RBM46: variants seen among roughly 807,000 people sequenced by gnomAD.
The protein encoded by RBM46 is probable RNA-binding protein 46.
Under a neutral mutation model 43.3 loss-of-function variants are expected in RBM46, and 12 were observed. That is an observed-to-expected ratio of 0.28 (90% confidence interval 0.18 to 0.45). The LOEUF (loss-of-function observed/expected upper bound fraction) is 0.45, where lower values mean the gene tolerates loss of function less well. RBM46 is among the 20% of genes least tolerant of loss of function. The probability of loss-of-function intolerance (pLI) is 1.00; values close to 1 mark genes in which losing one functional copy is unlikely to be tolerated. For missense variants in RBM46, 412 were observed against 639.1 expected (o/e 0.64, Z 3.83); for synonymous variants, 205 against 207.6 (o/e 0.99, Z 0.11).
intron 1 of RBM46, among the ~76,000 whole-genome samples, chr4:154,793,261 C>G (rs1014843838): frequency 5.3e-5 from 8 of 152,254 alleles, no homozygotes; most frequent in Non-Finnish European, 7.4e-5. Flanking sequence ...ATGCAGTCCT[C>G]TACTGAAGAG....
chr4:154,819,757 A>G (rs2111205955), intron 4 of RBM46, among the ~76,000 whole-genome samples: 1 of 152,278 alleles, frequency 6.6e-6, no homozygotes, highest in South Asian at 2.1e-4. Context: ...ATTTGGATAT[A>G]CATCCATAAC....
At position 154,797,805 on chromosome 4, in the gene RBM46, G is replaced by A. The variant is rs370350698; in HGVS notation, c.152-6G>A. The A allele has an allele frequency of 3.3e-5, 49 of 1,497,794 alleles. No individual in the cohort carries two copies. The highest frequency in any genetic ancestry group is 2.2e-4 in the African/African-American group (16 of 71,186). 92.8% of individuals were successfully genotyped at this position (1,497,794 alleles called of 1,614,324 possible). A position where few individuals can be genotyped will look rare whatever the true frequency, so the allele number is the denominator to read the frequency against. Reference sequence around the variant, plus strand: ...ATTTATGTGTCTTTTCATTTTTGTCGTTCAGGTTGGGAAGGTCCACCTCCA... The same window carrying A: ...ATTTATGTGTCTTTTCATTTTTGTCATTCAGGTTGGGAAGGTCCACCTCCA... On this transcript the variant is annotated splice_polypyrimidine_tract_variant and splice_region_variant and intron_variant, in intron 2 of 4. Coordinates refer to ENST00000281722, the MANE Select transcript of RBM46 (RefSeq NM_144979.5).
chr4:154,815,331 AAT>A (rs1422452461), intron 4 of RBM46, among the ~76,000 whole-genome samples: 1 of 149,670 alleles, frequency 6.7e-6, no homozygotes, highest in Non-Finnish European at 1.5e-5. Flanking sequence ...ATTCCTGTTG[AAT>A]ATATAGGAGT....
intron 4 of RBM46, among the ~76,000 whole-genome samples, chr4:154,816,680 T>C (rs1034233516): frequency 6.6e-6 from 1 of 152,020 alleles, no homozygotes; most frequent in Non-Finnish European, 1.5e-5. Context: ...TTTATACACA[T>C]CTTTTTTTTT....
chr4:154,792,857 TC>T (rs1734168055), intron 1 of RBM46, among the ~76,000 whole-genome samples: 1 of 152,136 alleles, frequency 6.6e-6, no homozygotes, highest in South Asian at 2.1e-4. Context: ...GATGAAGAGA[TC>T]CTTATGGCTT....
intron 4 of RBM46, among the ~76,000 whole-genome samples, chr4:154,808,131 T>C (rs1348481655): frequency 6.6e-6 from 1 of 152,016 alleles, no homozygotes; most frequent in African/African-American, 2.4e-5. Flanking sequence ...TAAACAGTTG[T>C]ATTGCCTGAT....
intron 4 of RBM46, among the ~76,000 whole-genome samples, chr4:154,811,295 G>A (rs1463826615): frequency 6.6e-6 from 1 of 152,146 alleles, no homozygotes; most frequent in African/African-American, 2.4e-5. Context: ...TTTCGAGCCA[G>A]ATTTCCTGGG....
chr4:154,799,884 C>T (rs760893967), intron 4 of RBM46, among the ~76,000 whole-genome samples: 11 of 151,748 alleles, frequency 7.2e-5, no homozygotes, highest in African/African-American at 1.9e-4. Flanking sequence ...CTCAGCCTCC[C>T]GCGTAGCTGG....
chr4:154,813,422 A>G (rs1330627244), intron 4 of RBM46, among the ~76,000 whole-genome samples: 1 of 152,106 alleles, frequency 6.6e-6, no homozygotes, highest in Non-Finnish European at 1.5e-5. Context: ...TATATTATAT[A>G]TATGTATATA....
At chr4:154,785,849 T>C (rs1197935513) in intron 1 of RBM46, among the ~76,000 whole-genome samples, 1 of 152,188 alleles carries the variant, frequency 6.6e-6, no homozygotes, top group African/African-American at 2.4e-5. Flanking sequence ...GCAGGACTCT[T>C]CACCGTATTT....
chr4:154,816,876 C>A (rs1735469771), intron 4 of RBM46, among the ~76,000 whole-genome samples: 1 of 152,052 alleles, frequency 6.6e-6, no homozygotes, highest in South Asian at 2.1e-4. Context: ...GAGTTTTTAT[C>A]ATGAATGGGT....
chr4:154,792,073 T>G (rs982117412), intron 1 of RBM46, among the ~76,000 whole-genome samples: 1 of 152,160 alleles, frequency 6.6e-6, no homozygotes, highest in Non-Finnish European at 1.5e-5. Flanking sequence ...GATGTGAATT[T>G]TAAATATCTA....
rs1734484207 is a variant in RBM46 at position 154,799,029 on chromosome 4, T to G, written c.867T>G (p.Ser289=). The change falls in exon 4 of 5, where the codon TCT becomes TCG. Residue 289 remains serine (S), a synonymous_variant. Coordinates refer to ENST00000281722, the MANE Select transcript of RBM46 (RefSeq NM_144979.5). ...FNREDAVAAM[S]VMNGKCIDGA... is the part of the protein sequence containing the mutation. ...GAGAAGATGCAGTGGCTGCCATGTCTGTTATGAATGGAAAATGCATTGATG... is the reference window on the plus strand; with the variant it reads ...GAGAAGATGCAGTGGCTGCCATGTCGGTTATGAATGGAAAATGCATTGATG... 6.2e-7 allele frequency: 1 copy of G among 1,614,044 alleles called. No homozygotes were observed. The highest frequency in any genetic ancestry group is 1.3e-5 in the African/African-American group (1 of 74,912).
chr4:154,786,253 A>AT (rs1239408610), intron 1 of RBM46, among the ~76,000 whole-genome samples: 2 of 151,580 alleles, frequency 1.3e-5, no homozygotes, highest in African/African-American at 4.8e-5. Flanking sequence ...TGCCTGGCTA[A>AT]TTTTTTTGTA....
chr4:154,828,110 G>T lies in RBM46; in HGVS notation c.*43G>T. Reference sequence around the variant, plus strand: ...GTATGAAAATTTGTGTAAATTTGTAGTATGAAAACTTGCAAATTAAAATAT... The same window carrying T: ...GTATGAAAATTTGTGTAAATTTGTATTATGAAAACTTGCAAATTAAAATAT... On this transcript the variant is annotated 3_prime_UTR_variant, in exon 5 of 5. Coordinates refer to ENST00000281722, the MANE Select transcript of RBM46 (RefSeq NM_144979.5). The T allele has an allele frequency of 7.2e-7, 1 of 1,390,630 alleles. No homozygotes were observed. The allele number at this position is 1,390,630 out of a possible 1,614,324, so 86.1% of individuals were successfully genotyped here. A position where few individuals can be genotyped will look rare whatever the true frequency, so the allele number is the denominator to read the frequency against.
intron 1 of RBM46, among the ~76,000 whole-genome samples, chr4:154,791,073 A>G (rs1448967525): frequency 6.6e-6 from 1 of 152,210 alleles, no homozygotes; most frequent in Non-Finnish European, 1.5e-5. Context: ...AAACTATGTC[A>G]TATAAGAAAC....
chr4:154,820,162 A>G (rs1433440240), intron 4 of RBM46, among the ~76,000 whole-genome samples: 1 of 152,088 alleles, frequency 6.6e-6, no homozygotes, highest in Non-Finnish European at 1.5e-5. Context: ...TCATTCAAAT[A>G]TCAAAATACT....
At chr4:154,796,996 T>G in intron 2 of RBM46, 93 bp downstream of exon 2, 1 of 1,052,714 alleles carries the variant, frequency 9.5e-7, no homozygotes. Context: ...ACAATAGCTC[T>G]CTCCTTGTAA....
rs560191468 is a variant in RBM46, at chr4:154,787,449, T to C, written c.-12+6013T>C. On this transcript the variant is annotated intron_variant, in intron 1 of 4. Coordinates refer to ENST00000281722, the MANE Select transcript of RBM46 (RefSeq NM_144979.5). ...ACATGCAGTGTTTGGTTTTCTGTCC[T>C]TGCCATAGTTTGCTGAGAATGATGG... Among the ~76,000 whole-genome samples the C allele has an allele frequency of 1.0e-3, 156 of 151,572 alleles. 1 individual carries two copies. The highest frequency in any genetic ancestry group is 2.1e-3 in the East Asian group (11 of 5,118).
Sources: allele counts gnomAD v4.1 joint callset (sites outside exome capture counted in the v4.1 genomes callset), GRCh38; gene constraint gnomAD v4.1.1; transcripts MANE v1.5; gene names NCBI Gene and HGNC (gene_info 2026-07-23, HGNC 2026-07-21).